Variants in RBM18 observed in about 807,000 individuals in gnomAD.
RBM18 encodes RNA binding motif protein 18, also known as probable RNA-binding protein 18.
In RBM18, 18 loss-of-function variants were observed where a neutral mutation model predicts 26.4. The ratio of observed to expected loss-of-function variants is 0.68; its 90% CI spans 0.47 to 1.01. RBM18 has a LOEUF of 1.01. RBM18 is among the 50% of genes least tolerant of loss of function. The pLI is 0.00. For missense variants in RBM18, 180 were observed against 219.2 expected, an observed-to-expected ratio of 0.82 and a Z score of 1.13; for synonymous variants, 74 against 81.1, an observed-to-expected ratio of 0.91 and a Z score of 0.47.
chr9:122,259,165 C>A (rs1249011975), intron 2 of RBM18, among the ~76,000 whole-genome samples: 1 of 152,174 alleles, frequency 6.6e-6, no homozygotes, highest in African/African-American at 2.4e-5. Context: ...CACACTCCAA[C>A]TTATGACATA....
chr9:122,243,886 T>C (rs532908087), intron 5 of RBM18: 4 of 984,406 alleles, frequency 4.1e-6, no homozygotes, highest in Non-Finnish European at 4.8e-6. Flanking sequence ...AAAAAATAGA[T>C]GGAAAACCCT....
chr9:122,252,027 A>G lies in RBM18; in HGVS notation c.114-54T>C, dbSNP rs1831612948. On this transcript the variant is annotated intron_variant, in intron 2 of 5. Transcript: ENST00000417201. ...GCTCTGGGAATTCTGTTGGCCACTC[A>G]GCCTGAAGTGTGAGATAAAAGCAGG... 50 of 1,604,054 alleles carry G rather than the reference A, an allele frequency of 3.1e-5. 1 individual carries two copies. The South Asian group carries it at 4.6e-4, about 15-fold the overall frequency.
intron 5 of RBM18, among the ~76,000 whole-genome samples, chr9:122,244,937 C>G (rs1564454795): frequency 6.6e-6 from 1 of 152,140 alleles, no homozygotes; most frequent in Non-Finnish European, 1.5e-5. Flanking sequence ...CAAAGAGACC[C>G]AAGGCCTTAT....
At chr9:122,243,837 G>T in intron 5 of RBM18, 1 of 984,742 alleles carries the variant, frequency 1.0e-6, no homozygotes, top group Non-Finnish European at 1.2e-6. Flanking sequence ...ATTAGGCATA[G>T]ATGTTAATAG....
In RBM18 at chr9:122,239,046, T is replaced by C. The variant is rs1340313433; in HGVS notation, c.*2838A>G. On this transcript the variant is annotated 3_prime_UTR_variant, in exon 6 of 6. Coordinates refer to ENST00000417201, the MANE Select transcript of RBM18 (RefSeq NM_033117.4). ...ACAAATGATTACATATAGGAAATGTTTGACATTTAATTTATAAGGCAAGAA... is the reference window on the plus strand; with the variant it reads ...ACAAATGATTACATATAGGAAATGTCTGACATTTAATTTATAAGGCAAGAA... 1 of 152,184 alleles carries C rather than the reference T, an allele frequency of 6.6e-6. No homozygotes were observed. The highest frequency in any genetic ancestry group is 1.5e-5 in the Non-Finnish European group (1 of 68,034). The allele number at this position is 152,184 out of a possible 1,614,324, so 9.4% of individuals were successfully genotyped here. A position where few individuals can be genotyped will look rare whatever the true frequency, so the allele number is the denominator to read the frequency against.
chr9:122,245,581 T>G (rs1831492305), intron 4 of RBM18, among the ~76,000 whole-genome samples: 1 of 152,214 alleles, frequency 6.6e-6, no homozygotes, highest in African/African-American at 2.4e-5. Context: ...AGGAAAAAAA[T>G]GTCAACTTTC....
Position 122,245,238 on chromosome 9 carries a change from T to C in RBM18, c.413+18A>G. The C allele has an allele frequency of 6.8e-7, 1 of 1,464,932 alleles. No homozygotes were observed. Among genetic ancestry groups the C allele is most frequent in the East Asian group, 2.3e-5 (1 of 43,908 alleles). The allele number at this position is 1,464,932 out of a possible 1,614,324, so 90.7% of individuals were successfully genotyped here. A position where few individuals can be genotyped will look rare whatever the true frequency, so the allele number is the denominator to read the frequency against. On this transcript the variant is annotated intron_variant, in intron 5 of 5. Coordinates refer to ENST00000417201, the MANE Select transcript of RBM18 (RefSeq NM_033117.4). Reference sequence around the variant, plus strand: ...AAGCTCCTGAATTACTGTGTCTTTCTATAGTACATCATCTTACCTTAGGTT... The same window carrying C: ...AAGCTCCTGAATTACTGTGTCTTTCCATAGTACATCATCTTACCTTAGGTT...
In RBM18 at chr9:122,241,629, A is replaced by G; in HGVS notation, c.*255T>C. On this transcript the variant is annotated 3_prime_UTR_variant, in exon 6 of 6. Coordinates refer to ENST00000417201, the MANE Select transcript of RBM18 (RefSeq NM_033117.4). ...GTTTCTGGAGTTACAAATCCAAACC[A>G]ACCAGCCAATTAGAGCATCCCAGGG... The G allele has an allele frequency of 2.8e-6, 1 of 352,012 alleles. No individual in the cohort carries two copies. The allele number at this position is 352,012 out of a possible 1,614,324, so 21.8% of individuals were successfully genotyped here. A position where few individuals can be genotyped will look rare whatever the true frequency, so the allele number is the denominator to read the frequency against.
chr9:122,253,948 A>T (rs1831645898), intron 2 of RBM18, among the ~76,000 whole-genome samples: 1 of 151,820 alleles, frequency 6.6e-6, no homozygotes, highest in Non-Finnish European at 1.5e-5. Context: ...GAATCACTTG[A>T]ATCCGGGAGG....
chr9:122,256,817 G>T (rs1265676961), intron 2 of RBM18, among the ~76,000 whole-genome samples: 1 of 152,180 alleles, frequency 6.6e-6, no homozygotes, highest in Non-Finnish European at 1.5e-5. Context: ...GTTTTAAGGG[G>T]TTATGTAAGA....
At chr9:122,257,710 T>G (rs1344228537) in intron 2 of RBM18, among the ~76,000 whole-genome samples, 2 of 152,198 alleles carry the variant, frequency 1.3e-5, no homozygotes, top group Non-Finnish European at 2.9e-5. Context: ...TTCATAACAG[T>G]AAGTTTATAA....
chr9:122,243,800 T>G, intron 5 of RBM18: 1 of 985,330 alleles, frequency 1.0e-6, no homozygotes, highest in South Asian at 4.7e-5. Flanking sequence ...TGATTTTGTA[T>G]AAGTCACAGG....
chr9:122,239,217 TG>T lies in RBM18; in HGVS notation c.*2666del, dbSNP rs1369336611. 27 of 113,846 alleles carry T rather than the reference TG, an allele frequency of 2.4e-4. No individual in the cohort carries two copies. Among genetic ancestry groups the T allele is most frequent in the Admixed American group, 2.0e-3 (21 of 10,482 alleles). The allele number at this position is 113,846 out of a possible 1,614,324, so 7.1% of individuals were successfully genotyped here. On this transcript the variant is annotated 3_prime_UTR_variant, in exon 6 of 6. Coordinates refer to ENST00000417201, the MANE Select transcript of RBM18 (RefSeq NM_033117.4). ...TGTGCAACTGATTTTTGACCTGTTT[TG>T]TTTTTGTTTTTTTTGAGACGGTGTC...
Position 122,251,985 on chromosome 9 carries a change from G to C in RBM18, c.114-12C>G, listed in dbSNP as rs754642130. ...TGAGGAGGTGGTATCTGTGGAGAAA[G>C]AAGAGTCCATGAGTATGCTCTGGGA... is the stretch of plus-strand genomic sequence containing the variant. On this transcript the variant is annotated splice_polypyrimidine_tract_variant and intron_variant, in intron 2 of 5. Transcript: ENST00000417201. 6.2e-7 allele frequency: 1 copy of C among 1,614,000 alleles called. No individual in the cohort carries two copies. The highest frequency in any genetic ancestry group is 1.1e-5 in the South Asian group (1 of 91,066).
chr9:122,245,711 C>G (rs1421324953), intron 4 of RBM18, among the ~76,000 whole-genome samples: 1 of 152,006 alleles, frequency 6.6e-6, no homozygotes, highest in African/African-American at 2.4e-5. Flanking sequence ...GGCGCGGTGG[C>G]TCACGCCTGT....
chr9:122,247,375 C>A, intron 4 of RBM18, 143 bp downstream of exon 4: 1 of 690,504 alleles, frequency 1.4e-6, no homozygotes. Flanking sequence ...TCGGGCAACA[C>A]ACATGGTAGA....
Position 122,261,465 on chromosome 9 carries a change from G to A in RBM18, c.28C>T (p.Leu10=). The A allele has an allele frequency of 6.2e-7, 1 of 1,614,124 alleles. No individual in the cohort carries two copies. The highest frequency in any genetic ancestry group is 8.5e-7 in the Non-Finnish European group (1 of 1,179,950). Residue 10 remains leucine (L), a synonymous_variant, in exon 2 of 6, where the codon CTG becomes TTG. Coordinates refer to ENST00000417201, the MANE Select transcript of RBM18 (RefSeq NM_033117.4). Reference sequence around the variant, plus strand: ...TCTGAAAGGATGGATGCATTCTCCAGGGGAAGAGTTTTGGTTTCTGCTTCC... The same window carrying A: ...TCTGAAAGGATGGATGCATTCTCCAAGGGAAGAGTTTTGGTTTCTGCTTCC... The part of the protein sequence containing the change: MEAETKTLP[L]ENASILSEGS...
intron 3 of RBM18, 79 bp from the exon 4 acceptor site, chr9:122,247,683 G>A (rs1831526411): frequency 2.9e-6 from 3 of 1,034,966 alleles, no homozygotes; most frequent in South Asian, 1.3e-5. Context: ...GGCTTCACTA[G>A]CTTTGATGGC....
chr9:122,253,287 C>T (rs1366768229), intron 2 of RBM18, among the ~76,000 whole-genome samples: 3 of 152,150 alleles, frequency 2.0e-5, no homozygotes, highest in African/African-American at 7.2e-5. Flanking sequence ...TAATGCACAT[C>T]AACAAGCAAG....
Sources: gnomAD v4.1 joint callset for allele counts (sites outside exome capture counted in the v4.1 genomes callset) on GRCh38, gnomAD v4.1.1 for gene constraint, MANE v1.5 for transcripts, NCBI Gene and HGNC (gene_info 2026-07-23, HGNC 2026-07-21) for gene names.